The following RAB2A variants were observed in gnomAD, a reference collection of about 807,000 sequenced individuals.
RAB2A encodes ras-related protein Rab-2A.
RAB2A carries 7 observed loss-of-function variants against 32.5 expected under a neutral mutation model. The observed-to-expected ratio is 0.22, with a 90% CI of 0.12 to 0.40. The LOEUF (loss-of-function observed/expected upper bound fraction) is 0.40. Ranked by LOEUF, RAB2A falls within the 10% of genes least tolerant of loss-of-function variation. The pLI is 1.00. For synonymous variants in RAB2A, 79 were observed against 85.2 expected (o/e 0.93, Z 0.40); for missense variants, 108 against 260.7 (o/e 0.41, Z 4.03).
chr8:60,520,883 G>T lies in RAB2A; in HGVS notation c.46+3630G>T, dbSNP rs114164045. The stretch of plus-strand genomic sequence containing the variant: ...GCAGGAGTGCAGTGGCACTATCACG[G>T]CTCACTCACTACAGCTTCAGTCTCC... On this transcript the variant is annotated intron_variant, in intron 1 of 7. Transcript: ENST00000262646. 3.8e-3 allele frequency among the ~76,000 whole-genome samples: 582 copies of T among 152,242 alleles called. 5 individuals carry two copies. Among genetic ancestry groups the T allele is most frequent in the African/African-American group, 0.014 (561 of 41,534 alleles).
chr8:60,588,086 A>G (rs1272605583), intron 5 of RAB2A, among the ~76,000 whole-genome samples: 1 of 152,170 alleles, frequency 6.6e-6, no homozygotes, highest in African/African-American at 2.4e-5. Flanking sequence ...CAGCCTGGGC[A>G]ATGTAGGGAG....
At chr8:60,539,022 T>C (rs1186318620) in intron 1 of RAB2A, among the ~76,000 whole-genome samples, 1 of 152,260 alleles carries the variant, frequency 6.6e-6, no homozygotes, top group East Asian at 1.9e-4. Context: ...AATTTTGTTT[T>C]AGAAATTGAT....
chr8:60,527,662 G>C (rs991548992), intron 1 of RAB2A, among the ~76,000 whole-genome samples: 17 of 152,262 alleles, frequency 1.1e-4, no homozygotes, highest in Non-Finnish European at 7.4e-5. Context: ...CTTCTTTGAA[G>C]TGGTCACTGA....
At chr8:60,563,215 G>A (rs575550941) in intron 2 of RAB2A, among the ~76,000 whole-genome samples, 37 of 152,272 alleles carry the variant, frequency 2.4e-4, no homozygotes, top group African/African-American at 7.9e-4. Context: ...GACCGTAAAA[G>A]TTTTTAAAAG....
chr8:60,534,256 C>T (rs1807524535), intron 1 of RAB2A, among the ~76,000 whole-genome samples: 1 of 152,176 alleles, frequency 6.6e-6, no homozygotes, highest in South Asian at 2.1e-4. Flanking sequence ...CATATATGTT[C>T]TCGCGGTAAT....
chr8:60,595,114 G>C (rs1475674016), intron 6 of RAB2A, among the ~76,000 whole-genome samples: 1 of 152,136 alleles, frequency 6.6e-6, no homozygotes, highest in Non-Finnish European at 1.5e-5. Context: ...GCTAAAGGAA[G>C]TTTTCTAATA....
chr8:60,527,340 A>G (rs1424191156), intron 1 of RAB2A, among the ~76,000 whole-genome samples: 1 of 152,170 alleles, frequency 6.6e-6, no homozygotes, highest in Non-Finnish European at 1.5e-5. Flanking sequence ...GACAATTTCA[A>G]GGGCTAAGGA....
chr8:60,535,364 T>C (rs1415102506), intron 1 of RAB2A, among the ~76,000 whole-genome samples: 1 of 152,206 alleles, frequency 6.6e-6, no homozygotes, highest in East Asian at 1.9e-4. Flanking sequence ...GTGGCTTACG[T>C]ATCCTTCCAG....
intron 3 of RAB2A, among the ~76,000 whole-genome samples, chr8:60,580,416 A>T (rs957128392): frequency 7.0e-6 from 1 of 142,280 alleles, no homozygotes; most frequent in Non-Finnish European, 1.5e-5. Context: ...AAGCCATAAT[A>T]AAAAAAAAAA....
In RAB2A at chr8:60,583,418, C is replaced by T. The variant is rs185858841; in HGVS notation, c.187-790C>T. Among the ~76,000 whole-genome samples, 884 of 152,142 alleles carry T rather than the reference C, an allele frequency of 5.8e-3. 1 individual carries two copies. The highest frequency in any genetic ancestry group is 0.01 in the Non-Finnish European group (681 of 67,998). ...ATTCTTAAAAAAACAGAAATTAGTACCATGAGTAAAAGAGAAATTACCTAG... is the reference window on the plus strand; with the variant it reads ...ATTCTTAAAAAAACAGAAATTAGTATCATGAGTAAAAGAGAAATTACCTAG... On this transcript the variant is annotated intron_variant, in intron 3 of 7. Coordinates refer to ENST00000262646, the MANE Select transcript of RAB2A (RefSeq NM_002865.3).
intron 3 of RAB2A, among the ~76,000 whole-genome samples, chr8:60,576,078 GAGGCATGA>G (rs963289310): frequency 2.0e-5 from 3 of 152,176 alleles, no homozygotes; most frequent in South Asian, 2.1e-4. Flanking sequence ...ATACTCCTTG[GAGGCATGA>G]AGGCCATCAA....
intron 6 of RAB2A, among the ~76,000 whole-genome samples, chr8:60,615,772 G>A (rs937802057): frequency 6.6e-6 from 1 of 152,102 alleles, no homozygotes; most frequent in Non-Finnish European, 1.5e-5. Context: ...GTGTGTGTGT[G>A]CAAAGCCTAG....
intron 6 of RAB2A, among the ~76,000 whole-genome samples, chr8:60,617,782 T>C (rs1193750572): frequency 1.3e-5 from 2 of 152,156 alleles, no homozygotes; most frequent in African/African-American, 2.4e-5. Context: ...GTTTTTAGTC[T>C]ATTCACAAAG....
chr8:60,519,016 C>T (rs1337411217), intron 1 of RAB2A, among the ~76,000 whole-genome samples: 1 of 152,156 alleles, frequency 6.6e-6, no homozygotes, highest in Non-Finnish European at 1.5e-5. Flanking sequence ...GGCTACAAAT[C>T]CTAACAAGTT....
intron 1 of RAB2A, among the ~76,000 whole-genome samples, chr8:60,546,732 C>T (rs1807733021): frequency 6.6e-6 from 1 of 152,242 alleles, no homozygotes; most frequent in African/African-American, 2.4e-5. Context: ...TTCTTATCCT[C>T]ATTTTGAAAA....
rs1367486172 is a variant in RAB2A at position 60,588,658 on chromosome 8, C to CT, written c.363-3199dup. 2.0e-5 allele frequency among the ~76,000 whole-genome samples: 3 copies of CT among 152,288 alleles called. No homozygotes were observed. In the East Asian group the frequency reaches 5.8e-4, roughly 29 times the overall value. ...GTAGTGGCAGAAAGCAGATCATCAG[C>CT]TGCCTAGGGTGCAGGGGCAAGAAGG... is the stretch of plus-strand genomic sequence containing the variant. On this transcript the variant is annotated intron_variant, in intron 5 of 7. Transcript: ENST00000262646.
At chr8:60,581,468 A>G (rs1181664988) in intron 3 of RAB2A, among the ~76,000 whole-genome samples, 1 of 152,226 alleles carries the variant, frequency 6.6e-6, no homozygotes, top group African/African-American at 2.4e-5. Flanking sequence ...AGAATAGTGT[A>G]CAATTTAAAA....
chr8:60,612,942 A>G (rs572564711), intron 6 of RAB2A, among the ~76,000 whole-genome samples: 2 of 152,344 alleles, frequency 1.3e-5, no homozygotes, highest in African/African-American at 2.4e-5. Context: ...AAAAGCCACT[A>G]TTGGATGATA....
At chr8:60,559,744 G>T (rs1181418735) in intron 2 of RAB2A, among the ~76,000 whole-genome samples, 1 of 152,176 alleles carries the variant, frequency 6.6e-6, no homozygotes, top group Non-Finnish European at 1.5e-5. Flanking sequence ...GAGATAATTG[G>T]AAATCTAGTC....
Sources: gnomAD v4.1 joint callset for allele counts (sites outside exome capture counted in the v4.1 genomes callset) on GRCh38, gnomAD v4.1.1 for gene constraint, MANE v1.5 for transcripts, NCBI Gene and HGNC (gene_info 2026-07-23, HGNC 2026-07-21) for gene names.